DOK6: variants seen among roughly 807,000 people sequenced by gnomAD.
The protein encoded by DOK6 is downstream of tyrosine kinase 6.
DOK6 carries 22 observed loss-of-function variants against 44.0 expected under a neutral mutation model. That is an observed-to-expected ratio of 0.50 (90% CI 0.36 to 0.71). The LOEUF (loss-of-function observed/expected upper bound fraction) is 0.71, where lower values mean the gene tolerates loss of function less well. Among genes scored for constraint, DOK6 ranks in the 30% least tolerant of loss-of-function variants. The pLI is 0.00. For missense variants in DOK6, 340 were observed against 416.4 expected, an observed-to-expected ratio of 0.82 and a Z score of 1.60; for synonymous variants, 166 against 145.5, an observed-to-expected ratio of 1.14 and a Z score of -1.01.
chr18:69,643,624 T>C (rs1984997805), intron 3 of DOK6: 1 of 152,220 alleles, frequency 6.6e-6, no homozygotes, highest in Non-Finnish European at 1.5e-5. Context: ...TTCCATGTTG[T>C]GGTTACATCA....
At chr18:69,595,717 T>A (rs1183019516) in intron 2 of DOK6, among the ~76,000 whole-genome samples, 2 of 152,194 alleles carry the variant, frequency 1.3e-5, no homozygotes, top group Non-Finnish European at 2.9e-5. Flanking sequence ...TTTAGATATG[T>A]TACAACAAAA....
chr18:69,485,427 A>G (rs2364204), intron 1 of DOK6, among the ~76,000 whole-genome samples: 112,037 of 152,088 alleles, frequency 0.74, 41,610 homozygotes, highest in African/African-American at 0.78. Flanking sequence ...CCAGACCATC[A>G]AAGGCATTGC....
intron 3 of DOK6, chr18:69,662,591 CA>C (rs1171520625): frequency 2.6e-5 from 4 of 152,106 alleles, no homozygotes; most frequent in Non-Finnish European, 5.9e-5. Flanking sequence ...TGCCTTTGAA[CA>C]AATAAAAATA....
In DOK6 at chr18:69,823,030, A is replaced by G. The variant is rs148443727; in HGVS notation, c.857-18214A>G. ...AAATACTTTGATTCAACAGGTAATG[A>G]TTAACAATCAAAAATGTGCAGGGCA... is the stretch of plus-strand genomic sequence containing the variant. On this transcript the variant is annotated intron_variant, in intron 7 of 7. Transcript: ENST00000382713. Among the ~76,000 whole-genome samples, 200 of 152,356 alleles carry G rather than the reference A, an allele frequency of 1.3e-3. 1 individual carries two copies. The highest frequency in any genetic ancestry group is 4.5e-3 in the African/African-American group (189 of 41,582).
intron 4 of DOK6, among the ~76,000 whole-genome samples, chr18:69,681,274 C>T (rs1409115338): frequency 6.6e-6 from 1 of 152,176 alleles, no homozygotes; most frequent in Non-Finnish European, 1.5e-5. Flanking sequence ...TTAGTCTTTA[C>T]CACAGCAATT....
chr18:69,598,363 T>TA (rs1033667843), intron 2 of DOK6, among the ~76,000 whole-genome samples: 1 of 151,938 alleles, frequency 6.6e-6, no homozygotes, highest in African/African-American at 2.4e-5. Context: ...TTATATCCTG[T>TA]AAAAATTCTA....
Position 69,435,085 on chromosome 18 carries a change from AGGAAGGAAAG to A in DOK6, c.66+33776_66+33785del, listed in dbSNP as rs1568256626. 9.5e-4 allele frequency among the ~76,000 whole-genome samples: 144 copies of A among 151,202 alleles called. 1 individual carries two copies. Among genetic ancestry groups the A allele is most frequent in the Middle Eastern group, 3.4e-3 (1 of 290 alleles). ...AAGGAAGGAAGGAAGGAAGGAAGGA[AGGAAGGAAAG>A]AAGGAAGAAAGAAAGATTAGTGTAG... On this transcript the variant is annotated intron_variant, in intron 1 of 7. Coordinates refer to ENST00000382713, the MANE Select transcript of DOK6 (RefSeq NM_152721.6).
chr18:69,580,544 AT>A (rs1983343781), intron 2 of DOK6, among the ~76,000 whole-genome samples: 2 of 152,134 alleles, frequency 1.3e-5, no homozygotes, highest in Non-Finnish European at 2.9e-5. Context: ...TATTATTATT[AT>A]TTTCAATTGA....
chr18:69,783,890 T>A (rs1288096790), intron 7 of DOK6, among the ~76,000 whole-genome samples: 1 of 152,226 alleles, frequency 6.6e-6, no homozygotes, highest in Non-Finnish European at 1.5e-5. Context: ...CCGCAAGTGA[T>A]ATTTAACGAT....
At chr18:69,442,616 G>A (rs913234287) in intron 1 of DOK6, among the ~76,000 whole-genome samples, 23 of 152,152 alleles carry the variant, frequency 1.5e-4, no homozygotes, top group African/African-American at 4.8e-4. Flanking sequence ...TGAGATTTGG[G>A]TGGGGATACA....
intron 1 of DOK6, among the ~76,000 whole-genome samples, chr18:69,559,570 C>A (rs943092712): frequency 1.3e-5 from 2 of 152,066 alleles, no homozygotes; most frequent in African/African-American, 4.8e-5. Flanking sequence ...TTTTTTACTT[C>A]CCCAATATTA....
In DOK6 at chr18:69,843,812, T is replaced by A. The variant is rs775835916; in HGVS notation, c.*2429T>A. 1.1e-4 allele frequency: 16 copies of A among 152,226 alleles called. No homozygotes were observed. Among genetic ancestry groups the A allele is most frequent in the Non-Finnish European group, 1.8e-4 (12 of 68,048 alleles). 9.4% of individuals were successfully genotyped at this position (152,226 alleles called of 1,614,324 possible). ...TTCCCAAGTTTTTAACCAGATCTCG[T>A]CACAATGAGGAGAATGCTATAATCT... On this transcript the variant is annotated 3_prime_UTR_variant, in exon 8 of 8. Coordinates refer to ENST00000382713, the MANE Select transcript of DOK6 (RefSeq NM_152721.6).
intron 1 of DOK6, among the ~76,000 whole-genome samples, chr18:69,518,260 C>G (rs78343758): frequency 0.043 from 6,534 of 152,018 alleles, 209 homozygotes; most frequent in Admixed American, 0.095. Flanking sequence ...TTCTAAAATT[C>G]TCTCCTACTT....
At chr18:69,604,473 G>T (rs1983948975) in intron 3 of DOK6, among the ~76,000 whole-genome samples, 1 of 152,136 alleles carries the variant, frequency 6.6e-6, no homozygotes, top group Admixed American at 6.5e-5. Flanking sequence ...TAATATAGAA[G>T]AATGCTTTTA....
At chr18:69,766,768 T>TAAAC (rs1979730265) in intron 7 of DOK6, among the ~76,000 whole-genome samples, 2 of 152,158 alleles carry the variant, frequency 1.3e-5, no homozygotes. Flanking sequence ...CATACTGTGT[T>TAAAC]GTTTAAGAGT....
chr18:69,479,886 G>T (rs1001648226), intron 1 of DOK6, among the ~76,000 whole-genome samples: 3 of 152,164 alleles, frequency 2.0e-5, no homozygotes, highest in African/African-American at 7.2e-5. Context: ...TCTCTTGTGA[G>T]TGTGTGGTAG....
At chr18:69,451,688 AG>A (rs1979471252) in intron 1 of DOK6, among the ~76,000 whole-genome samples, 1 of 91,202 alleles carries the variant, frequency 1.1e-5, no homozygotes, top group African/African-American at 4.5e-5. Context: ...CAAATGTAAA[AG>A]AACAGAAATT....
intron 3 of DOK6, among the ~76,000 whole-genome samples, chr18:69,627,177 G>T (rs1267334994): frequency 6.6e-6 from 1 of 152,178 alleles, no homozygotes; most frequent in Non-Finnish European, 1.5e-5. Flanking sequence ...TAGAAAAACA[G>T]CAGTGCCAAG....
At chr18:69,557,315 A>T (rs146086038) in intron 1 of DOK6, among the ~76,000 whole-genome samples, 2 of 152,188 alleles carry the variant, frequency 1.3e-5, no homozygotes, top group African/African-American at 4.8e-5. Flanking sequence ...GTGATAAAAC[A>T]GGCCCATTAA....
Sources: gnomAD v4.1 joint callset for allele counts (sites outside exome capture counted in the v4.1 genomes callset) on GRCh38, gnomAD v4.1.1 for gene constraint, MANE v1.5 for transcripts, NCBI Gene and HGNC (gene_info 2026-07-23, HGNC 2026-07-21) for gene names.